Variants in PDE3A observed in about 807,000 individuals in gnomAD.
PDE3A encodes cGMP-inhibited 3',5'-cyclic phosphodiesterase 3A.
A neutral mutation model predicts 98.3 loss-of-function variants in PDE3A; 43 were observed. That is an observed-to-expected ratio of 0.44 (90% CI 0.34 to 0.56). PDE3A has a LOEUF of 0.56. Ranked by LOEUF, PDE3A falls within the 20% of genes least tolerant of loss-of-function variation. The probability of loss-of-function intolerance (pLI) is 0.01; values close to 1 mark genes in which losing one functional copy is unlikely to be tolerated. For missense variants in PDE3A, 1,427 were observed against 1,440.7 expected (o/e 0.99, Z 0.15); for synonymous variants, 663 against 567.9 (o/e 1.17, Z -2.38).
intron 2 of PDE3A, among the ~76,000 whole-genome samples, chr12:20,611,559 A>G (rs1943854278): frequency 6.6e-6 from 1 of 151,902 alleles, no homozygotes; most frequent in Admixed American, 6.6e-5. Flanking sequence ...GAAAGTAATA[A>G]TAGTACTTAC....
At chr12:20,528,493 C>G (rs2121177676) in intron 1 of PDE3A, among the ~76,000 whole-genome samples, 1 of 152,334 alleles carries the variant, frequency 6.6e-6, no homozygotes, top group African/African-American at 2.4e-5. Context: ...TCTGCCTCCA[C>G]AAGGAATATC....
At chr12:20,585,399 C>A (rs1390085968) in intron 2 of PDE3A, among the ~76,000 whole-genome samples, 1 of 152,212 alleles carries the variant, frequency 6.6e-6, no homozygotes, top group African/African-American at 2.4e-5. Context: ...AAGATTCACA[C>A]AGTTTCAACA....
intron 1 of PDE3A, among the ~76,000 whole-genome samples, chr12:20,406,790 C>A (rs563640854): frequency 6.6e-6 from 1 of 151,980 alleles, no homozygotes; most frequent in Non-Finnish European, 1.5e-5. Flanking sequence ...CCAATACGAA[C>A]GTCTTTTTCT....
At chr12:20,492,412 A>G (rs1945843953) in intron 1 of PDE3A, among the ~76,000 whole-genome samples, 1 of 10,748 alleles carries the variant, frequency 9.3e-5, no homozygotes, top group African/African-American at 2.4e-4. Flanking sequence ...CCTGTCTGCT[A>G]TATGTATGAG....
At position 20,463,188 on chromosome 12, in the gene PDE3A, G is replaced by C. The variant is rs1051605198; in HGVS notation, c.960+92944G>C. On this transcript the variant is annotated intron_variant, in intron 1 of 15. Transcript: ENST00000359062. ...TATTGCCACCAATGAGACTTTTTGA[G>C]AATAAACATGAAAATAACTTACAGA... is the stretch of plus-strand genomic sequence containing the variant. 2.6e-5 allele frequency among the ~76,000 whole-genome samples: 4 copies of C among 152,068 alleles called. No homozygotes were observed. The East Asian group carries it at 7.7e-4, about 29-fold the overall frequency.
In PDE3A at chr12:20,370,081, C is replaced by T. The variant is rs775295525; in HGVS notation, c.797C>T (p.Ala266Val). Residue 266 changes from alanine to valine, a missense_variant, in exon 1 of 16, where the codon GCT becomes GTT. Physicochemically the swap from Ala to Val is moderately conservative, Grantham distance 64. Coordinates refer to ENST00000359062, the MANE Select transcript of PDE3A (RefSeq NM_000921.5). Reference sequence around the variant, plus strand: ...ATCTTGCCGCAGTCCGCGGAGGCGGCTCCAAGGGAGCATTTGGGGTCCCAG... The same window carrying T: ...ATCTTGCCGCAGTCCGCGGAGGCGGTTCCAAGGGAGCATTTGGGGTCCCAG... ...EQILPQSAEAAPREHLGSQLI... is the reference protein window; with the variant it reads ...EQILPQSAEAVPREHLGSQLI... The T allele has an allele frequency of 1.9e-6, 3 of 1,613,162 alleles. No individual in the cohort carries two copies. The highest frequency in any genetic ancestry group is 2.5e-6 in the Non-Finnish European group (3 of 1,179,878).
chr12:20,562,748 C>T (rs1231360653), intron 2 of PDE3A, among the ~76,000 whole-genome samples: 2 of 152,070 alleles, frequency 1.3e-5, no homozygotes, highest in Non-Finnish European at 2.9e-5. Flanking sequence ...ATTTGACTAC[C>T]AGCCAGACTG....
At chr12:20,463,656 A>C (rs920528796) in intron 1 of PDE3A, among the ~76,000 whole-genome samples, 11 of 152,290 alleles carry the variant, frequency 7.2e-5, no homozygotes, top group African/African-American at 2.6e-4. Context: ...AAGATTAGTG[A>C]ATCTGCTCTT....
At chr12:20,524,454 C>T (rs1946481181) in intron 1 of PDE3A, among the ~76,000 whole-genome samples, 1 of 152,086 alleles carries the variant, frequency 6.6e-6, no homozygotes, top group Admixed American at 6.5e-5. Flanking sequence ...GGTGCGTGCT[C>T]ACTAAAAGAT....
chr12:20,541,490 C>T (rs935692826), intron 1 of PDE3A, among the ~76,000 whole-genome samples: 94 of 151,966 alleles, frequency 6.2e-4, no homozygotes, highest in African/African-American at 3.6e-4. Context: ...GCAAGTCTCT[C>T]GGTTCTTGTA....
rs1565532260 is a variant in PDE3A at position 20,385,983 on chromosome 12, T to TAATATATATATATAAATATATATATA, written c.960+15749_960+15750insTATAAATATATATATAAATATATATA. Reference sequence around the variant, plus strand: ...ATTAATTATATTAATTATTAATATATAATATATATAAAATATATATATAAA... The same window carrying TAATATATATATATAAATATATATATA: ...ATTAATTATATTAATTATTAATATATAATATATATATATAAATATATATATAAATATATATAAAATATATATATAAA... On this transcript the variant is annotated intron_variant, in intron 1 of 15. Transcript: ENST00000359062. 5.9e-4 allele frequency among the ~76,000 whole-genome samples: 41 copies of TAATATATATATATAAATATATATATA among 69,896 alleles called. 3 individuals are homozygous for TAATATATATATATAAATATATATATA. Among genetic ancestry groups the TAATATATATATATAAATATATATATA allele is most frequent in the African/African-American group, 2.0e-3 (40 of 20,116 alleles). 45.9% of individuals were successfully genotyped at this position (69,896 alleles called of 152,430 possible).
rs760427474 is a variant in PDE3A, at chr12:20,369,861, G to T, written c.577G>T (p.Val193Leu). ...CTTACTCTCACTCCCCGCCGCGGGG[G>T]TGGTGCTCAGCTGCTTGGCCGCCGC... ...DHLLSLPAAG[V>L]VLSCLAAATW... The change falls in exon 1 of 16, where the codon GTG (valine) becomes TTG (leucine). Residue 193 changes from valine (V) to leucine (L), a missense_variant. This residue lies in a region of PDE3A where 1,012 missense variants were observed against 886.5 expected (regional missense o/e 1.14). Transcript: ENST00000359062. 7 of 1,612,588 alleles carry T rather than the reference G, an allele frequency of 4.3e-6. No homozygotes were observed. The Admixed American group carries it at 5.0e-5, about 12-fold the overall frequency.
chr12:20,532,745 G>A (rs1941638934), intron 1 of PDE3A, among the ~76,000 whole-genome samples: 1 of 148,652 alleles, frequency 6.7e-6, no homozygotes, highest in South Asian at 2.1e-4. Context: ...CTGGAGTGCA[G>A]TGGCGCGATC....
chr12:20,663,748 G>A (rs1330603736), intron 15 of PDE3A, among the ~76,000 whole-genome samples: 2 of 152,172 alleles, frequency 1.3e-5, no homozygotes, highest in Non-Finnish European at 2.9e-5. Flanking sequence ...GAAAGGACTT[G>A]CCTTGTCTCA....
At chr12:20,613,926 T>C (rs977801468) in intron 3 of PDE3A, among the ~76,000 whole-genome samples, 13 of 152,172 alleles carry the variant, frequency 8.5e-5, no homozygotes, top group Non-Finnish European at 1.9e-4. Context: ...TGTTACCTCT[T>C]TTATTTAATC....
chr12:20,516,347 C>G (rs1371104660), intron 1 of PDE3A, among the ~76,000 whole-genome samples: 1 of 152,094 alleles, frequency 6.6e-6, no homozygotes, highest in Non-Finnish European at 1.5e-5. Context: ...TAGAGTGGCA[C>G]TTAAAATAAG....
chr12:20,402,298 G>A (rs1237299524), intron 1 of PDE3A, among the ~76,000 whole-genome samples: 1 of 152,100 alleles, frequency 6.6e-6, no homozygotes, highest in Non-Finnish European at 1.5e-5. Flanking sequence ...ACAGGTGTGT[G>A]CCACCACGCC....
chr12:20,375,698 T>C (rs1943558272), intron 1 of PDE3A, among the ~76,000 whole-genome samples: 1 of 151,890 alleles, frequency 6.6e-6, no homozygotes, highest in Non-Finnish European at 1.5e-5. Flanking sequence ...TCAAAAATAA[T>C]ATACAGATAG....
chr12:20,561,432 TAA>T (rs35439089), intron 2 of PDE3A, among the ~76,000 whole-genome samples: 3 of 152,174 alleles, frequency 2.0e-5, no homozygotes, highest in Non-Finnish European at 4.4e-5. Context: ...TTTAGATATC[TAA>T]AAAAGGGAAC....
Sources: gnomAD v4.1 joint callset for allele counts (sites outside exome capture counted in the v4.1 genomes callset) on GRCh38, gnomAD v4.1.1 for gene constraint, gnomAD v4.1.1 regional missense constraint, MANE v1.5 for transcripts, NCBI Gene and HGNC (gene_info 2026-07-23, HGNC 2026-07-21) for gene names.